The following GCNT2 variants were observed in gnomAD, a reference collection of about 807,000 sequenced individuals.
GCNT2 encodes glucosaminyl (N-acetyl) transferase 2 (I blood group), also known as N-acetyllactosaminide beta-1,6-N-acetylglucosaminyl-transferase.
Under a neutral mutation model 34.2 loss-of-function variants are expected in GCNT2, and 34 were observed. That is an observed-to-expected ratio of 1.00 (90% confidence interval 0.76 to 1.32). The LOEUF (loss-of-function observed/expected upper bound fraction) is 1.32, where lower values mean the gene tolerates loss of function less well. Among genes scored for constraint, GCNT2 ranks in the 40% most tolerant of loss-of-function variants. GCNT2 has a pLI of 0.00. For missense variants in GCNT2, 584 were observed against 489.4 expected, an observed-to-expected ratio of 1.19 and a Z score of -1.82; for synonymous variants, 212 against 188.0, an observed-to-expected ratio of 1.13 and a Z score of -1.04.
chr6:10,584,325 T>C (rs1308826928), intron 3 of GCNT2, among the ~76,000 whole-genome samples: 1 of 152,200 alleles, frequency 6.6e-6, no homozygotes, highest in Non-Finnish European at 1.5e-5. Context: ...TAAAGAGTAG[T>C]ATTGCTGCCA....
At chr6:10,573,109 T>C (rs1410223995) in intron 3 of GCNT2, 1 of 838,166 alleles carries the variant, frequency 1.2e-6, no homozygotes, top group Admixed American at 6.2e-5. Flanking sequence ...TTTAAGACTT[T>C]TGTTTCCATT....
chr6:10,548,110 C>A (rs56249402), intron 3 of GCNT2, among the ~76,000 whole-genome samples: 4,184 of 152,172 alleles, frequency 0.027, 91 homozygotes, highest in African/African-American at 0.06. Flanking sequence ...ATTTAAAGAT[C>A]AAAATCTGGG....
chr6:10,546,185 G>A (rs944574529), intron 3 of GCNT2, among the ~76,000 whole-genome samples: 12 of 152,150 alleles, frequency 7.9e-5, no homozygotes, highest in Non-Finnish European at 1.5e-4. Flanking sequence ...GCAAAACCCA[G>A]GACAGTTGAA....
intron 3 of GCNT2, among the ~76,000 whole-genome samples, chr6:10,602,639 A>G (rs1765134440): frequency 7.0e-6 from 1 of 142,236 alleles, no homozygotes; most frequent in Non-Finnish European, 1.5e-5. Context: ...CTCGGTTTGC[A>G]AATAGGGGTT....
Position 10,540,008 on chromosome 6 carries a change from G to A in GCNT2, c.925+10172G>A, listed in dbSNP as rs552703479. 3.7e-4 allele frequency among the ~76,000 whole-genome samples: 56 copies of A among 152,230 alleles called. 3 individuals are homozygous for A. In the South Asian group the frequency reaches 0.011, roughly 30 times the overall value. ...CAGGAGGATCGCTTGAGCACGGGAG[G>A]TCGGGGCTACAGTGAGGGGTGGTCG... is the stretch of plus-strand genomic sequence containing the variant. On this transcript the variant is annotated intron_variant, in intron 3 of 4. Coordinates refer to ENST00000495262, the MANE Select transcript of GCNT2 (RefSeq NM_145649.5).
At chr6:10,586,184 A>C (rs1463111949) in intron 3 of GCNT2, 4 of 1,613,996 alleles carry the variant, frequency 2.5e-6, no homozygotes, top group Non-Finnish European at 2.5e-6. Flanking sequence ...AAAATATATT[A>C]CCATCACCTT....
rs200669761 is a variant in GCNT2, at chr6:10,621,455, G to A, written c.1018+12G>A. The A allele has an allele frequency of 1.9e-5, 29 of 1,560,266 alleles. No individual in the cohort carries two copies. Among genetic ancestry groups the A allele is most frequent in the East Asian group, 6.7e-5 (3 of 44,600 alleles). On this transcript the variant is annotated intron_variant, in intron 4 of 4. Coordinates refer to ENST00000495262, the MANE Select transcript of GCNT2 (RefSeq NM_145649.5). ...CGGAGGCTGCCACGGTGAGGCTCTC[G>A]TTCCATGCTTCTAGGCCACTGCCTG...
intron 3 of GCNT2, among the ~76,000 whole-genome samples, chr6:10,613,845 A>G (rs1176430878): frequency 2.0e-5 from 3 of 152,206 alleles, no homozygotes; most frequent in Non-Finnish European, 4.4e-5. Context: ...GATGATGTCC[A>G]GGGATACCCA....
intron 3 of GCNT2, chr6:10,585,741 G>T (rs574167367): frequency 5.7e-6 from 8 of 1,391,872 alleles, no homozygotes; most frequent in African/African-American, 2.9e-5. Context: ...AAACAGCAGG[G>T]ATTCAACCCT....
At chr6:10,569,920 CCTTT>C (rs1319251560) in intron 3 of GCNT2, among the ~76,000 whole-genome samples, 3 of 144,672 alleles carry the variant, frequency 2.1e-5, no homozygotes, top group Non-Finnish European at 3.0e-5. Context: ...TTCCTTCCTT[CCTTT>C]CTCTCTCTCT....
At chr6:10,543,614 G>A (rs907180382) in intron 3 of GCNT2, among the ~76,000 whole-genome samples, 8 of 152,106 alleles carry the variant, frequency 5.3e-5, no homozygotes, top group African/African-American at 1.9e-4. Flanking sequence ...CCTTGTTATT[G>A]TCTATCTTTT....
chr6:10,581,689 C>CTT, intron 3 of GCNT2: 5 of 928,454 alleles, frequency 5.4e-6, no homozygotes, highest in Non-Finnish European at 6.4e-6. Context: ...TGCATTGGCA[C>CTT]TTATCAGAGC....
intron 3 of GCNT2, 53 bp from the exon 4 acceptor site, chr6:10,621,298 T>C: frequency 9.0e-7 from 1 of 1,114,116 alleles, no homozygotes; most frequent in Non-Finnish European, 1.4e-6. Context: ...ATGAAATTGA[T>C]GCCCTTCTCT....
chr6:10,536,649 C>T (rs761165669), intron 3 of GCNT2, among the ~76,000 whole-genome samples: 5 of 151,226 alleles, frequency 3.3e-5, no homozygotes, highest in Admixed American at 2.6e-4. Flanking sequence ...CTACCGTGCC[C>T]GGTCTCTTGT....
At chr6:10,556,242 C>T in intron 3 of GCNT2, 5 of 1,449,218 alleles carry the variant, frequency 3.5e-6, no homozygotes, top group South Asian at 1.5e-5. Context: ...GCTGTAATAT[C>T]GGCACAGGGA....
chr6:10,588,810 GTGTA>G (rs1764469046), intron 3 of GCNT2, among the ~76,000 whole-genome samples: 1 of 142,424 alleles, frequency 7.0e-6, no homozygotes, highest in South Asian at 2.3e-4. Context: ...TGTGTGTGTG[GTGTA>G]TGTGTGTTTG....
chr6:10,618,439 G>A lies in GCNT2; in HGVS notation c.926-2912G>A, dbSNP rs1303377499. ...CTGCAATAATGGAATCTGTTTCTGAGTAAGAGTCAGTTTGGGATTATCAGT... is the reference window on the plus strand; with the variant it reads ...CTGCAATAATGGAATCTGTTTCTGAATAAGAGTCAGTTTGGGATTATCAGT... On this transcript the variant is annotated intron_variant, in intron 3 of 4. Transcript: ENST00000495262. Among the ~76,000 whole-genome samples the A allele has an allele frequency of 2.6e-5, 4 of 152,178 alleles. No individual in the cohort carries two copies. In the East Asian group the frequency reaches 7.7e-4, roughly 29 times the overall value.
intron 3 of GCNT2, among the ~76,000 whole-genome samples, chr6:10,544,882 T>C (rs1231636903): frequency 6.6e-6 from 1 of 151,690 alleles, no homozygotes; most frequent in African/African-American, 2.4e-5. Flanking sequence ...GAGGCAGAGG[T>C]TGCAGTGAGC....
chr6:10,543,790 T>C (rs1200909088), intron 3 of GCNT2, among the ~76,000 whole-genome samples: 1 of 152,180 alleles, frequency 6.6e-6, no homozygotes, highest in African/African-American at 2.4e-5. Flanking sequence ...GAATTAAGAT[T>C]GTTGCAATCA....
Sources: gnomAD v4.1 joint callset for allele counts (sites outside exome capture counted in the v4.1 genomes callset) on GRCh38, gnomAD v4.1.1 for gene constraint, MANE v1.5 for transcripts, NCBI Gene and HGNC (gene_info 2026-07-23, HGNC 2026-07-21) for gene names.